ARHGEF2: variants seen among roughly 807,000 people sequenced by gnomAD.
ARHGEF2 encodes the protein Rho/Rac guanine nucleotide exchange factor 2.
A neutral mutation model predicts 121.0 loss-of-function variants in ARHGEF2; 22 were observed. The ratio of observed to expected loss-of-function variants is 0.18; its 90% CI spans 0.13 to 0.26. The LOEUF (loss-of-function observed/expected upper bound fraction) is 0.26. Ranked by LOEUF, ARHGEF2 falls within the 10% of genes least tolerant of loss-of-function variation. ARHGEF2 has a pLI of 1.00. For missense variants in ARHGEF2, 907 were observed against 1,336.0 expected, an observed-to-expected ratio of 0.68 and a Z score of 5.01; for synonymous variants, 487 against 530.0, an observed-to-expected ratio of 0.92 and a Z score of 1.11.
intron 7 of ARHGEF2, 118 bp downstream of exon 7, chr1:155,964,870 T>C (rs577239929): frequency 1.7e-6 from 2 of 1,191,374 alleles, no homozygotes; most frequent in African/African-American, 1.6e-5. Flanking sequence ...TTCAGCCTGG[T>C]TGAGAGAGTG....
chr1:155,967,010 A>C, intron 2 of ARHGEF2, 123 bp from the exon 3 acceptor site: 1 of 881,154 alleles, frequency 1.1e-6, no homozygotes, highest in Non-Finnish European at 1.8e-6. Flanking sequence ...CCCTTCCCCG[A>C]CTTCTGGGCC....
chr1:155,977,046 C>G (rs1681424863), intron 1 of ARHGEF2, among the ~76,000 whole-genome samples: 1 of 152,128 alleles, frequency 6.6e-6, no homozygotes. Flanking sequence ...TAGGAACTAC[C>G]AGGGAGGTGG....
intron 1 of ARHGEF2, among the ~76,000 whole-genome samples, chr1:155,973,227 G>A (rs1680769582): frequency 6.6e-6 from 1 of 152,200 alleles, no homozygotes; most frequent in Non-Finnish European, 1.5e-5. Context: ...TGGGGTCTCA[G>A]TAGCACCCTG....
At chr1:155,978,952 G>C, upstream of ARHGEF2, 1 of 985,172 alleles carries the variant, frequency 1.0e-6, no homozygotes, top group Non-Finnish European at 1.2e-6. This position sits in a 1 kb window ranked among gnomAD's most constrained non-coding sequence, Gnocchi z 4.1. Flanking sequence ...AATTCCATCC[G>C]CCCCCAGCTC....
At chr1:155,971,202 G>T in intron 1 of ARHGEF2, 3 of 734,998 alleles carry the variant, frequency 4.1e-6, no homozygotes, top group Non-Finnish European at 5.0e-6. Flanking sequence ...TTCTATTCTG[G>T]CACCTACCTA....
intron 1 of ARHGEF2, among the ~76,000 whole-genome samples, chr1:155,973,881 G>A (rs1680880085): frequency 6.6e-6 from 1 of 152,302 alleles, no homozygotes; most frequent in African/African-American, 2.4e-5. Flanking sequence ...AATAAGGGAT[G>A]AGGAAACAGT....
intron 14 of ARHGEF2, 145 bp from the exon 15 acceptor site, chr1:155,952,973 G>T (rs1474443670): frequency 2.6e-6 from 2 of 769,256 alleles, no homozygotes; most frequent in Admixed American, 2.8e-5. Flanking sequence ...AAAAGAAAAA[G>T]CTTTCTGTTG....
At position 155,965,408 on chromosome 1, in the gene ARHGEF2, A is replaced by T; in HGVS notation, c.475T>A (p.Phe159Ile). Residue 159 changes from phenylalanine (F) to isoleucine (I), a missense_variant, in exon 6 of 22, where the codon TTC becomes ATC. By Grantham distance (21) the Phe-to-Ile change is conservative. Transcript: ENST00000361247. This position sits in a 1 kb window ranked among gnomAD's most constrained non-coding sequence, Gnocchi z 6.0. ...SVSTTNIAGH[F>I]NDESPLGLRR... ...AGCCCCAGGGGAGACTCATCATTGAAATGTCTGAAGAAAGTGGAGGCTGTC... is the reference window on the plus strand; with the variant it reads ...AGCCCCAGGGGAGACTCATCATTGATATGTCTGAAGAAAGTGGAGGCTGTC... The T allele has an allele frequency of 6.2e-7, 1 of 1,614,018 alleles. No individual in the cohort carries two copies. The highest frequency in any genetic ancestry group is 8.5e-7 in the Non-Finnish European group (1 of 1,179,904).
chr1:155,951,185 G>A lies in ARHGEF2; in HGVS notation c.2347C>T (p.Arg783Trp), dbSNP rs762005951. 3.7e-6 allele frequency: 6 copies of A among 1,607,904 alleles called. No individual in the cohort carries two copies. Among genetic ancestry groups the A allele is most frequent in the Admixed American group, 1.7e-5 (1 of 59,448 alleles). Residue 783 changes from arginine (R) to tryptophan (W), a missense_variant, in exon 20 of 22, where the codon CGG becomes TGG. This residue lies in a region of ARHGEF2 where 432 missense variants were observed against 559.5 expected (regional missense o/e 0.77). Transcript: ENST00000361247. The surrounding 1 kb of genome is among the most constrained non-coding windows in gnomAD (Gnocchi z 5.1). ...RREKLCRANS[R>W]DGEAGRAGAA... is the part of the protein sequence containing the mutation. ...CCAGCCCTGCCAGCCTCCCCATCCC[G>A]AGAGTTGGCTCGGCACAGCTTCTCC...
rs1199504727 is a variant in ARHGEF2, at chr1:155,961,836, C to G, written c.1293G>C (p.Glu431Asp). ...CCCCTTTCTCCAGCTGATAAATACC[C>G]TCGTCCACATTGGACAGCAGCTCCT... ...LVKELLSNVD[E>D]GIYQLEKGAR... is the part of the protein sequence containing the mutation. Residue 431 changes from glutamate to aspartate, a missense_variant, in exon 11 of 22, where the codon GAG (glutamate) becomes GAC (aspartate). Transcript: ENST00000361247. This position sits in a 1 kb window ranked among gnomAD's most constrained non-coding sequence, Gnocchi z 4.7. The G allele has an allele frequency of 6.2e-7, 1 of 1,614,048 alleles. No individual in the cohort carries two copies. Among genetic ancestry groups the G allele is most frequent in the South Asian group, 1.1e-5 (1 of 91,086 alleles).
rs1182672107 is a variant in ARHGEF2 at position 155,978,008 on chromosome 1, A to C, written c.63+357T>G. On this transcript the variant is annotated intron_variant, in intron 1 of 21. Transcript: ENST00000361247. The surrounding 1 kb of genome is among the most constrained non-coding windows in gnomAD (Gnocchi z 4.1). ...GGCCCGGGGTGAGAGGAGGTGCCGGAGCTTCCACCGCCCCCACCCGCGAGA... is the reference window on the plus strand; with the variant it reads ...GGCCCGGGGTGAGAGGAGGTGCCGGCGCTTCCACCGCCCCCACCCGCGAGA... 2.6e-5 allele frequency: 24 copies of C among 919,210 alleles called. No homozygotes were observed. In the Admixed American group the frequency reaches 1.2e-3, roughly 48 times the overall value. 56.9% of individuals were successfully genotyped at this position (919,210 alleles called of 1,614,324 possible).
Position 155,951,435 on chromosome 1 carries a change from TCTAGC to T in ARHGEF2, c.2259+43_2259+47del. The T allele has an allele frequency of 6.2e-7, 1 of 1,611,254 alleles. No individual in the cohort carries two copies. The highest frequency in any genetic ancestry group is 8.5e-7 in the Non-Finnish European group (1 of 1,177,416). On this transcript the variant is annotated intron_variant, in intron 19 of 21. Coordinates refer to ENST00000361247, the MANE Select transcript of ARHGEF2 (RefSeq NM_001162383.2). This position sits in a 1 kb window ranked among gnomAD's most constrained non-coding sequence, Gnocchi z 5.1. ...ACCATGCCCCACCTAAACAGGCATC[TCTAGC>T]CTGGCTCCTCCCCTTCCCCATTCAA...
intron 1 of ARHGEF2, among the ~76,000 whole-genome samples, chr1:155,971,440 G>A (rs908135545): frequency 3.3e-5 from 5 of 151,938 alleles, no homozygotes; most frequent in Admixed American, 2.6e-4. Context: ...TTAGCTGGGC[G>A]TAGTGGCAGG....
In ARHGEF2 at chr1:155,951,651, C is replaced by T. The variant is rs776620125; in HGVS notation, c.2208+90G>A. The T allele has an allele frequency of 2.5e-6, 4 of 1,607,958 alleles. No individual in the cohort carries two copies. The highest frequency in any genetic ancestry group is 2.6e-6 in the Non-Finnish European group (3 of 1,174,606). ...CCGGAGACATACTTGAATGTAGACG[C>T]TTTCCCCACCCCACTCCAAACTGGG... On this transcript the variant is annotated intron_variant, in intron 18 of 21. Coordinates refer to ENST00000361247, the MANE Select transcript of ARHGEF2 (RefSeq NM_001162383.2). The surrounding 1 kb of genome is among the most constrained non-coding windows in gnomAD (Gnocchi z 5.1).
In ARHGEF2 at chr1:155,964,164, A is replaced by T. The variant is rs1231889933; in HGVS notation, c.724+824T>A. Among the ~76,000 whole-genome samples, 138 of 89,520 alleles carry T rather than the reference A, an allele frequency of 1.5e-3. 5 individuals are homozygous for T. The South Asian group carries it at 0.034, about 22-fold the overall frequency. The allele number at this position is 89,520 out of a possible 152,430, so 58.7% of individuals were successfully genotyped here. A position where few individuals can be genotyped will look rare whatever the true frequency, so the allele number is the denominator to read the frequency against. On this transcript the variant is annotated intron_variant, in intron 7 of 21. Transcript: ENST00000361247. ...TGCTTCAAAAAAAAAAAAAAAAAAA[A>T]AAAATATATATATATATATATATAT...
chr1:155,977,525 A>G (rs1311227125), intron 1 of ARHGEF2, among the ~76,000 whole-genome samples: 1 of 152,070 alleles, frequency 6.6e-6, no homozygotes, highest in East Asian at 1.9e-4. Flanking sequence ...GGGGAGGAGG[A>G]GGAAGGGCAG....
rs1288816746 is a variant in ARHGEF2, at chr1:155,947,246, A to C, written c.*696T>G. 1 of 406,892 alleles carries C rather than the reference A, an allele frequency of 2.5e-6. No individual in the cohort carries two copies. The highest frequency in any genetic ancestry group is 4.9e-6 in the Non-Finnish European group (1 of 203,782). 25.2% of individuals were successfully genotyped at this position (406,892 alleles called of 1,614,324 possible). ...AAACACGTGCAGTTGACTTTGGTAC[A>C]AAAAAGAAAACAAAAGAACAACAAA... On this transcript the variant is annotated 3_prime_UTR_variant, in exon 22 of 22. Coordinates refer to ENST00000361247, the MANE Select transcript of ARHGEF2 (RefSeq NM_001162383.2).
rs749386449 is a variant in ARHGEF2 at position 155,947,969 on chromosome 1, G to A, written c.2934C>T (p.Asp978=). Residue 978 remains aspartate, a synonymous_variant, in exon 22 of 22, where the codon GAC becomes GAT. Coordinates refer to ENST00000361247, the MANE Select transcript of ARHGEF2 (RefSeq NM_001162383.2). ...AGCTCTCGGAGGCTACAGCCTCCCC[G>A]TCGCGGCTCTCCGTCTCCTCCGGGA... ...QDIPEETESR[D]GEAVASES 43 of 1,550,970 alleles carry A rather than the reference G, an allele frequency of 2.8e-5. No individual in the cohort carries two copies. The highest frequency in any genetic ancestry group is 2.2e-4 in the African/African-American group (16 of 73,038).
In ARHGEF2 at chr1:155,951,413, A is replaced by G; in HGVS notation, c.2259+70T>C. 3 of 1,600,168 alleles carry G rather than the reference A, an allele frequency of 1.9e-6. No homozygotes were observed. The highest frequency in any genetic ancestry group is 1.7e-5 in the Admixed American group (1 of 59,904). ...TTTAGAAAGGCCTGTTGGGATGACC[A>G]TGCCCCACCTAAACAGGCATCTCTA... On this transcript the variant is annotated intron_variant, in intron 19 of 21. Coordinates refer to ENST00000361247, the MANE Select transcript of ARHGEF2 (RefSeq NM_001162383.2). The surrounding 1 kb of genome is among the most constrained non-coding windows in gnomAD (Gnocchi z 5.1).
Sources: gnomAD v4.1 joint callset for allele counts (sites outside exome capture counted in the v4.1 genomes callset) on GRCh38, gnomAD v4.1.1 for gene constraint, gnomAD v4.1.1 regional missense constraint, Gnocchi (gnomAD v3.1) non-coding constraint, MANE v1.5 for transcripts, NCBI Gene and HGNC (gene_info 2026-07-23, HGNC 2026-07-21) for gene names.